The following MPPED1 variants were observed in gnomAD, a reference collection of about 807,000 sequenced individuals.
MPPED1 encodes the protein metallophosphoesterase domain-containing protein 1.
A neutral mutation model predicts 36.2 loss-of-function variants in MPPED1; 16 were observed. The observed-to-expected ratio is 0.44, with a 90% CI of 0.30 to 0.67. The LOEUF (loss-of-function observed/expected upper bound fraction) is 0.67. Among genes scored for constraint, MPPED1 ranks in the 30% least tolerant of loss-of-function variants. The pLI, the probability that MPPED1 is intolerant of heterozygous loss-of-function variation, is 0.10. For synonymous variants in MPPED1, 199 were observed against 191.3 expected (o/e 1.04, Z -0.33); for missense variants, 307 against 453.4 (o/e 0.68, Z 2.93).
At chr22:43,439,495 G>C (rs1930075650) in intron 3 of MPPED1, among the ~76,000 whole-genome samples, 1 of 152,268 alleles carries the variant, frequency 6.6e-6, no homozygotes. Flanking sequence ...CCAGTGCAGG[G>C]AGGTGGGGCG....
At chr22:43,486,164 G>GC (rs34230291) in intron 4 of MPPED1, among the ~76,000 whole-genome samples, 51,632 of 152,160 alleles carry the variant, frequency 0.34, 9,867 homozygotes, top group East Asian at 0.51. Flanking sequence ...CTCCATGCAG[G>GC]CATGCCCTCA....
At chr22:43,417,447 C>CTTT (rs11431981) in intron 1 of MPPED1, among the ~76,000 whole-genome samples, 5 of 132,362 alleles carry the variant, frequency 3.8e-5, no homozygotes, top group Non-Finnish European at 4.7e-5. Flanking sequence ...AGTCCCTCTG[C>CTTT]TTTTTTTTTT....
intron 3 of MPPED1, among the ~76,000 whole-genome samples, chr22:43,455,144 C>G (rs897005712): frequency 1.5e-5 from 2 of 129,502 alleles, no homozygotes; most frequent in African/African-American, 3.3e-5. Context: ...AAGTCTTACT[C>G]TGTCACCCAG....
chr22:43,463,819 C>CTTTA (rs1480549521), intron 3 of MPPED1, among the ~76,000 whole-genome samples: 1 of 83,466 alleles, frequency 1.2e-5, no homozygotes. Context: ...TTCTTTCTTT[C>CTTTA]TTTCTTTCTT....
chr22:43,452,960 C>CTT (rs35359750), intron 3 of MPPED1, among the ~76,000 whole-genome samples: 53,989 of 144,270 alleles, frequency 0.37, 11,283 homozygotes, highest in Non-Finnish European at 0.47. Context: ...TTTAGTCTTA[C>CTT]TTTTTTTTTT....
At chr22:43,500,501 G>A (rs920941438) in intron 5 of MPPED1, among the ~76,000 whole-genome samples, 2 of 151,846 alleles carry the variant, frequency 1.3e-5, no homozygotes, top group African/African-American at 2.4e-5. Context: ...CAGTCCACTC[G>A]CTTTACATCA....
chr22:43,414,599 T>A (rs1233307914), intron 1 of MPPED1, among the ~76,000 whole-genome samples: 1 of 152,150 alleles, frequency 6.6e-6, no homozygotes, highest in Non-Finnish European at 1.5e-5. Flanking sequence ...CAGAAAAACA[T>A]GCAATTAGTG....
chr22:43,499,999 TGGCGGTGGTGATGGTGGA>T (rs1339214330), intron 5 of MPPED1, among the ~76,000 whole-genome samples: 14 of 39,556 alleles, frequency 3.5e-4, no homozygotes, highest in Non-Finnish European at 4.9e-4. Context: ...GTGATGGAGG[TGGCGGTGGTGATGGTGGA>T]GGTGGTGGTG....
At chr22:43,475,196 G>T (rs954369348) in intron 4 of MPPED1, among the ~76,000 whole-genome samples, 6 of 152,094 alleles carry the variant, frequency 3.9e-5, no homozygotes, top group Admixed American at 1.3e-4. Context: ...ATGCTATGCT[G>T]TACTAGCTCA....
At chr22:43,478,796 C>G (rs563515677) in intron 4 of MPPED1, among the ~76,000 whole-genome samples, 1 of 152,242 alleles carries the variant, frequency 6.6e-6, no homozygotes, top group South Asian at 2.1e-4. Context: ...CAGGACTTTG[C>G]GGGGCGGCCT....
intron 1 of MPPED1, among the ~76,000 whole-genome samples, chr22:43,412,840 T>C (rs762563497): frequency 1.6e-4 from 24 of 152,322 alleles, no homozygotes; most frequent in Non-Finnish European, 3.2e-4. Flanking sequence ...GTCTCCTGTG[T>C]GTTTGTTCTG....
At chr22:43,418,094 C>A (rs538020141) in intron 1 of MPPED1, 3 of 456,142 alleles carry the variant, frequency 6.6e-6, no homozygotes, top group Non-Finnish European at 1.3e-5. Flanking sequence ...AAAGAGCTGC[C>A]GATGAATGGA....
intron 4 of MPPED1, among the ~76,000 whole-genome samples, chr22:43,475,203 C>A (rs951996958): frequency 6.6e-6 from 1 of 152,122 alleles, no homozygotes; most frequent in East Asian, 1.9e-4. Context: ...GCTGTACTAG[C>A]TCACTTACAG....
At chr22:43,484,494 G>A (rs1158309310) in intron 4 of MPPED1, among the ~76,000 whole-genome samples, 1 of 152,070 alleles carries the variant, frequency 6.6e-6, no homozygotes. Flanking sequence ...AGTCCCTGCT[G>A]AGCTTTGGGC....
chr22:43,477,852 G>A (rs1010434062), intron 4 of MPPED1, among the ~76,000 whole-genome samples: 1 of 152,176 alleles, frequency 6.6e-6, no homozygotes, highest in Non-Finnish European at 1.5e-5. Flanking sequence ...AGCCTCTCTG[G>A]TCTTTCTGTG....
At chr22:43,500,338 T>A (rs1602027412) in intron 5 of MPPED1, among the ~76,000 whole-genome samples, 2 of 143,450 alleles carry the variant, frequency 1.4e-5, no homozygotes, top group African/African-American at 2.7e-5. Flanking sequence ...GTGGTGGAGG[T>A]GGTGGTGGTG....
chr22:43,473,826 C>T (rs746177123), intron 3 of MPPED1, among the ~76,000 whole-genome samples: 1 of 152,186 alleles, frequency 6.6e-6, no homozygotes, highest in Admixed American at 6.5e-5. Context: ...AGCCCCCAGC[C>T]AGTCTCTCTT....
In MPPED1 at chr22:43,502,774, G is replaced by A; in HGVS notation, c.862+17G>A. 3 of 1,608,262 alleles carry A rather than the reference G, an allele frequency of 1.9e-6. No homozygotes were observed. Among genetic ancestry groups the A allele is most frequent in the Non-Finnish European group, 2.6e-6 (3 of 1,175,434 alleles). Reference sequence around the variant, plus strand: ...TCCACGAAGGTCAGTACGTAGCGGAGACAGGCACCTCACGGGCTAGGGGCT... The same window carrying A: ...TCCACGAAGGTCAGTACGTAGCGGAAACAGGCACCTCACGGGCTAGGGGCT... On this transcript the variant is annotated intron_variant, in intron 6 of 6. Coordinates refer to ENST00000443721, the MANE Select transcript of MPPED1 (RefSeq NM_001044370.2). This position sits in a 1 kb window ranked among gnomAD's most constrained non-coding sequence, Gnocchi z 5.5.
intron 3 of MPPED1, among the ~76,000 whole-genome samples, chr22:43,467,626 C>G (rs1030488620): frequency 6.6e-6 from 1 of 152,216 alleles, no homozygotes; most frequent in African/African-American, 2.4e-5. Flanking sequence ...TAATGTGAAT[C>G]TCCTAGACAT....
Sources: gnomAD v4.1 joint callset for allele counts (sites outside exome capture counted in the v4.1 genomes callset) on GRCh38, gnomAD v4.1.1 for gene constraint, Gnocchi (gnomAD v3.1) non-coding constraint, MANE v1.5 for transcripts, NCBI Gene and HGNC (gene_info 2026-07-23, HGNC 2026-07-21) for gene names.